Variants in SLIT1 observed in about 807,000 individuals in gnomAD.
The protein encoded by SLIT1 is slit homolog 1 protein.
A neutral mutation model predicts 186.1 loss-of-function variants in SLIT1; 66 were observed. The observed-to-expected ratio is 0.35, with a 90% CI of 0.29 to 0.44. The LOEUF (loss-of-function observed/expected upper bound fraction) is 0.44, where lower values mean the gene tolerates loss of function less well. Ranked by LOEUF, SLIT1 falls within the 20% of genes least tolerant of loss-of-function variation. SLIT1 has a pLI of 1.00. For missense variants in SLIT1, 1,638 were observed against 2,037.4 expected, an observed-to-expected ratio of 0.80 and a Z score of 3.77; for synonymous variants, 761 against 833.8, an observed-to-expected ratio of 0.91 and a Z score of 1.50.
At chr10:97,177,945 C>T (rs565325722) in intron 1 of SLIT1, among the ~76,000 whole-genome samples, 1 of 152,184 alleles carries the variant, frequency 6.6e-6, no homozygotes, top group South Asian at 2.1e-4. Flanking sequence ...CACCGCACTC[C>T]AGCCTGGGCA....
chr10:97,028,176 C>T (rs1848562606), intron 25 of SLIT1, among the ~76,000 whole-genome samples: 1 of 152,296 alleles, frequency 6.6e-6, no homozygotes, highest in East Asian at 1.9e-4. Context: ...CAGATGGAAA[C>T]AAGCCCCTGT....
At chr10:97,083,689 A>C (rs1849128264) in intron 4 of SLIT1, among the ~76,000 whole-genome samples, 1 of 152,124 alleles carries the variant, frequency 6.6e-6, no homozygotes, top group African/African-American at 2.4e-5. Flanking sequence ...TGCGATGAAC[A>C]TTGCCTGGGG....
At chr10:97,181,158 G>A (rs1477614807) in intron 1 of SLIT1, among the ~76,000 whole-genome samples, 1 of 152,166 alleles carries the variant, frequency 6.6e-6, no homozygotes, top group African/African-American at 2.4e-5. Context: ...CCAGCAATAA[G>A]CCAGTGGGCC....
At chr10:97,098,268 T>C (rs1466699692) in intron 4 of SLIT1, among the ~76,000 whole-genome samples, 1 of 152,176 alleles carries the variant, frequency 6.6e-6, no homozygotes, top group Non-Finnish European at 1.5e-5. Context: ...GGGCCGGACA[T>C]GTGCTGAGTA....
chr10:97,077,549 T>C (rs1486394641), intron 4 of SLIT1, among the ~76,000 whole-genome samples: 2 of 152,232 alleles, frequency 1.3e-5, no homozygotes, highest in African/African-American at 4.8e-5. Context: ...CAGCACCAAC[T>C]GATGCCTCTT....
chr10:97,001,246 A>T lies in SLIT1; in HGVS notation c.4471T>A (p.Ser1491Thr). 6.2e-7 allele frequency: 1 copy of T among 1,613,136 alleles called. No individual in the cohort carries two copies. Among genetic ancestry groups the T allele is most frequent in the African/African-American group, 1.3e-5 (1 of 75,068 alleles). Residue 1491 changes from serine to threonine, a missense_variant, in exon 37 of 37, where the codon TCG (serine) becomes ACG (threonine). Ser to Thr is a moderately conservative substitution (Grantham distance 58). Around this residue, in one of 3 missense-constraint regions of SLIT1, gnomAD observed 220 missense variants for 211.3 expected, o/e 1.04. Transcript: ENST00000266058. ...RPLSWVECRGSCPGQGCCQGL... is the reference protein window; with the variant it reads ...RPLSWVECRGTCPGQGCCQGL... ...TGGCAGCAGCCCTGGCCTGGGCACG[A>T]GCCCCGGCACTCCACCCATGACAGG...
rs764062402 is a variant in SLIT1 at position 97,060,731 on chromosome 10, C to T, written c.850G>A (p.Ala284Thr). ...TCTLSSGSCP[A>T]MCTCSNGIVD... ...ATGCCATTGCTGCAGGTGCACATGG[C>T]CGGGCAGGAGCCGGAGGACAGGGTG... Residue 284 changes from alanine (A) to threonine (T), a missense_variant, in exon 9 of 37, where the codon GCC becomes ACC. This residue lies in a region of SLIT1 where 1,245 missense variants were observed against 1,535.3 expected (regional missense o/e 0.81). Coordinates refer to ENST00000266058, the MANE Select transcript of SLIT1 (RefSeq NM_003061.3). 13 of 1,613,430 alleles carry T rather than the reference C, an allele frequency of 8.1e-6. No individual in the cohort carries two copies. The South Asian group carries it at 1.4e-4, about 18-fold the overall frequency.
intron 4 of SLIT1, among the ~76,000 whole-genome samples, chr10:97,142,186 A>C (rs2134704876): frequency 2.0e-5 from 1 of 49,442 alleles, no homozygotes; most frequent in East Asian, 1.2e-3. Flanking sequence ...CTCTCTTCTT[A>C]AAAAAAAACA....
chr10:97,064,601 C>T (rs1267749826), intron 6 of SLIT1, among the ~76,000 whole-genome samples: 2 of 152,160 alleles, frequency 1.3e-5, no homozygotes, highest in African/African-American at 4.8e-5. Context: ...CCTTGGGTTT[C>T]ATCCTGAGCA....
At chr10:97,179,535 C>T (rs11189022) in intron 1 of SLIT1, among the ~76,000 whole-genome samples, 1 of 152,198 alleles carries the variant, frequency 6.6e-6, no homozygotes, top group Admixed American at 6.5e-5. Flanking sequence ...TAAGATCTCT[C>T]GGTAGGTGAT....
rs371979178 is a variant in SLIT1 at position 97,004,117 on chromosome 10, G to A, written c.3816C>T (p.Asn1272=). 1 of 1,613,652 alleles carries A rather than the reference G, an allele frequency of 6.2e-7. No individual in the cohort carries two copies. The highest frequency in any genetic ancestry group is 1.3e-5 in the African/African-American group (1 of 74,950). ...TGTTGAGCGTGTAATGTTTGCCAAA[G>A]TTGTCCATGGTCATGGGGCTCCCGC... ...IDGGSPMTMD[N]FGKHYTLNSE... is the part of the protein sequence containing the mutation. The change falls in exon 34 of 37, where the codon AAC becomes AAT. Residue 1272 remains asparagine, a synonymous_variant. Transcript: ENST00000266058. The surrounding 1 kb of genome is among the most constrained non-coding windows in gnomAD (Gnocchi z 5.1).
rs898781645 is a variant in SLIT1, at chr10:97,010,729, G to A, written c.3341+264C>T. ...CAGAGGCTCAGGTAGGCAGGTAAGT[G>A]ACAGCACACTGCCCTGTCATCTGCA... On this transcript the variant is annotated intron_variant, in intron 31 of 36. Transcript: ENST00000266058. The surrounding 1 kb of genome is among the most constrained non-coding windows in gnomAD (Gnocchi z 4.8). Among the ~76,000 whole-genome samples the A allele has an allele frequency of 6.6e-6, 1 of 152,136 alleles. No individual in the cohort carries two copies. The highest frequency in any genetic ancestry group is 1.5e-5 in the Non-Finnish European group (1 of 68,020).
chr10:97,032,472 G>A (rs1423138576), intron 23 of SLIT1, among the ~76,000 whole-genome samples: 1 of 151,992 alleles, frequency 6.6e-6, no homozygotes, highest in Non-Finnish European at 1.5e-5. Context: ...GAGAGGCTGA[G>A]GCAGGGGAAT....
rs1421429464 is a variant in SLIT1, at chr10:97,046,904, C to T, written c.1709+87G>A. 37 of 1,567,946 alleles carry T rather than the reference C, an allele frequency of 2.4e-5. No individual in the cohort carries two copies. In the Middle Eastern group the frequency reaches 5.0e-4, roughly 21 times the overall value. On this transcript the variant is annotated intron_variant, in intron 17 of 36. Transcript: ENST00000266058. ...CACACACAGAGTCCTGGCCCCCCGCCGTGGGAGCTGCCCCCACCCTGGCAT... is the reference window on the plus strand; with the variant it reads ...CACACACAGAGTCCTGGCCCCCCGCTGTGGGAGCTGCCCCCACCCTGGCAT...
rs1039345374 is a variant in SLIT1, at chr10:97,018,326, G to T, written c.2969+260C>A. 2.0e-5 allele frequency among the ~76,000 whole-genome samples: 3 copies of T among 152,220 alleles called. No individual in the cohort carries two copies. In the East Asian group the frequency reaches 5.8e-4, roughly 29 times the overall value. On this transcript the variant is annotated intron_variant, in intron 28 of 36. Transcript: ENST00000266058. ...CCACTCCAAGCCCTGCTCAACCCTG[G>T]AGCTGGGGAGCTGTGCGGCTTAGGT...
chr10:97,021,275 C>A lies in SLIT1; in HGVS notation c.2721G>T (p.Thr907=), dbSNP rs543913763. ...QDMEGKLLLT[T]PAKKFECQGP... ...CTTGGCATTCAAACTTCTTGGCAGGCGTGGTGAGGAGCAGCTTGCCCTCCA... is the reference window on the plus strand; with the variant it reads ...CTTGGCATTCAAACTTCTTGGCAGGAGTGGTGAGGAGCAGCTTGCCCTCCA... The change falls in exon 26 of 37, where the codon ACG becomes ACT. Residue 907 remains threonine (T), a synonymous_variant. Coordinates refer to ENST00000266058, the MANE Select transcript of SLIT1 (RefSeq NM_003061.3). This position sits in a 1 kb window ranked among gnomAD's most constrained non-coding sequence, Gnocchi z 4.5. 3 of 1,614,088 alleles carry A rather than the reference C, an allele frequency of 1.9e-6. No homozygotes were observed. The highest frequency in any genetic ancestry group is 2.5e-6 in the Non-Finnish European group (3 of 1,179,954).
chr10:97,064,107 C>A, intron 7 of SLIT1, 61 bp downstream of exon 7: 1 of 1,380,492 alleles, frequency 7.2e-7, no homozygotes, highest in Non-Finnish European at 1.0e-6. Context: ...TCCTGCCCCA[C>A]CCACCCCCTG....
rs1278445163 is a variant in SLIT1, at chr10:97,022,205, G to A, written c.2583-792C>T. Among the ~76,000 whole-genome samples the A allele has an allele frequency of 2.0e-5, 3 of 152,240 alleles. No homozygotes were observed. The highest frequency in any genetic ancestry group is 4.4e-5 in the Non-Finnish European group (3 of 68,048). On this transcript the variant is annotated intron_variant, in intron 25 of 36. Coordinates refer to ENST00000266058, the MANE Select transcript of SLIT1 (RefSeq NM_003061.3). This position sits in a 1 kb window ranked among gnomAD's most constrained non-coding sequence, Gnocchi z 4.2. ...GGGCACCGAGCCTCCCATGGAATAA[G>A]TAATTTCCCTGGGGTCACACAACTA...
chr10:97,169,444 A>T (rs1850159171), intron 1 of SLIT1, among the ~76,000 whole-genome samples: 1 of 152,232 alleles, frequency 6.6e-6, no homozygotes, highest in Non-Finnish European at 1.5e-5. Context: ...ACTTCCCCTT[A>T]ACAGAGGCTG....
Sources: allele counts gnomAD v4.1 joint callset (sites outside exome capture counted in the v4.1 genomes callset), GRCh38; gene constraint gnomAD v4.1.1; regional missense constraint gnomAD v4.1.1; non-coding constraint Gnocchi (gnomAD v3.1); transcripts MANE v1.5; gene names NCBI Gene and HGNC (gene_info 2026-07-23, HGNC 2026-07-21).